The following RICTOR variants were observed in gnomAD, a reference collection of about 807,000 sequenced individuals.
RICTOR encodes rapamycin-insensitive companion of mTOR.
Under a neutral mutation model 214.9 loss-of-function variants are expected in RICTOR, and 49 were observed. The ratio of observed to expected loss-of-function variants is 0.23; its 90% CI spans 0.18 to 0.29. RICTOR has a LOEUF of 0.29. Ranked by LOEUF, RICTOR falls within the 10% of genes least tolerant of loss-of-function variation. The pLI, the probability that RICTOR is intolerant of heterozygous loss-of-function variation, is 1.00. For synonymous variants in RICTOR, 717 were observed against 711.3 expected, an observed-to-expected ratio of 1.01 and a Z score of -0.13; for missense variants, 1,625 against 2,047.0, an observed-to-expected ratio of 0.79 and a Z score of 3.98.
In RICTOR at chr5:38,945,715, G is replaced by C; in HGVS notation, c.4409C>G (p.Ser1470Cys). Residue 1470 changes from serine (S) to cysteine (C), a missense_variant, in exon 34 of 38, where the codon TCT (serine) becomes TGT (cysteine). Ser to Cys is a moderately radical substitution (Grantham distance 112). Coordinates refer to ENST00000357387, the MANE Select transcript of RICTOR (RefSeq NM_152756.5). ...ATTTTTTACAAGACCTCCAGTTCCA[G>C]ATGGAAGACCTGTGCATAAGTAAAT... ...AFAHDAGGLP[S>C]GTGGLVKNSF... 6.4e-7 allele frequency: 1 copy of C among 1,567,204 alleles called. No homozygotes were observed. The highest frequency in any genetic ancestry group is 8.8e-7 in the Non-Finnish European group (1 of 1,137,572).
At chr5:39,034,491 C>T (rs549133407) in intron 2 of RICTOR, among the ~76,000 whole-genome samples, 1 of 152,168 alleles carries the variant, frequency 6.6e-6, no homozygotes, top group Non-Finnish European at 1.5e-5. Context: ...TGCAGCGCAC[C>T]GTGCATGAGC....
chr5:39,067,338 C>A (rs35439640), intron 2 of RICTOR, among the ~76,000 whole-genome samples: 2,468 of 152,234 alleles, frequency 0.016, 41 homozygotes, highest in Non-Finnish European at 0.025. Context: ...CTTGCCAGAA[C>A]TCACTATTGC....
At chr5:38,952,591 T>TAGC (rs1748889245) in intron 29 of RICTOR, among the ~76,000 whole-genome samples, 166 bp from the exon 30 acceptor site, 1 of 151,452 alleles carries the variant, frequency 6.6e-6, no homozygotes, top group Non-Finnish European at 1.5e-5. Flanking sequence ...AGGAATAAAT[T>TAGC]AGCAGCAATA....
chr5:38,949,388 GC>G, intron 31 of RICTOR: 1 of 1,591,810 alleles, frequency 6.3e-7, no homozygotes, highest in Non-Finnish European at 8.5e-7. Context: ...TAGGTCTTAA[GC>G]TCCTGATTCC....
chr5:38,958,721 G>GT lies in RICTOR; in HGVS notation c.2288dup (p.Asn763LysfsTer7), dbSNP rs1749532299. On this transcript the variant is annotated frameshift_variant, in exon 23 of 38. Coordinates refer to ENST00000357387, the MANE Select transcript of RICTOR (RefSeq NM_152756.5). LOFTEE classifies it high-confidence loss of function. Reference sequence around the variant, plus strand: ...CAAGAGCTTCAGAGGAAATCGTTTTGTTTTTATCATGTAGCTGGGTCACTA... The same window carrying GT: ...CAAGAGCTTCAGAGGAAATCGTTTTGTTTTTTATCATGTAGCTGGGTCACTA... 1 of 1,611,756 alleles carries GT rather than the reference G, an allele frequency of 6.2e-7. No individual in the cohort carries two copies. The highest frequency in any genetic ancestry group is 1.3e-5 in the African/African-American group (1 of 74,748).
intron 2 of RICTOR, among the ~76,000 whole-genome samples, chr5:39,059,309 G>T (rs545643595): frequency 2.0e-5 from 3 of 152,140 alleles, no homozygotes; most frequent in African/African-American, 7.2e-5. Context: ...TTCAAAAACC[G>T]GCGGCTAAAC....
At chr5:39,024,508 T>C (rs767850898) in intron 2 of RICTOR, among the ~76,000 whole-genome samples, 17 of 152,348 alleles carry the variant, frequency 1.1e-4, no homozygotes, top group Non-Finnish European at 2.4e-4. Context: ...GATTTAACTA[T>C]ATTTGAGAAG....
intron 7 of RICTOR, among the ~76,000 whole-genome samples, chr5:38,986,504 T>C (rs1410972219): frequency 1.3e-5 from 2 of 152,314 alleles, no homozygotes; most frequent in East Asian, 3.9e-4. Flanking sequence ...AAGAAAAGTT[T>C]AAAATTTATA....
rs140723688 is a variant in RICTOR at position 39,068,804 on chromosome 5, T to C, written c.97+5307A>G. On this transcript the variant is annotated intron_variant, in intron 2 of 37. Coordinates refer to ENST00000357387, the MANE Select transcript of RICTOR (RefSeq NM_152756.5). Reference sequence around the variant, plus strand: ...ACAAAGAGGATAAGCAGCAGATCTCTAGCTTGAATAACAGAGGATGGCGGA... The same window carrying C: ...ACAAAGAGGATAAGCAGCAGATCTCCAGCTTGAATAACAGAGGATGGCGGA... Among the ~76,000 whole-genome samples the C allele has an allele frequency of 1.3e-3, 194 of 152,256 alleles. 1 individual carries two copies. The highest frequency in any genetic ancestry group is 4.5e-3 in the African/African-American group (188 of 41,566).
intron 27 of RICTOR, 53 bp from the exon 28 acceptor site, chr5:38,953,606 A>G: frequency 3.7e-6 from 2 of 547,754 alleles, no homozygotes; most frequent in South Asian, 9.0e-5. Flanking sequence ...TGTATTTAAT[A>G]TATTATTATT....
At chr5:39,008,340 G>T in intron 3 of RICTOR, among the ~76,000 whole-genome samples, 1 of 152,016 alleles carries the variant, frequency 6.6e-6, no homozygotes. Context: ...ACACACAGAA[G>T]TAACAATTAT....
chr5:38,987,933 T>TTA (rs1752299109), intron 7 of RICTOR, among the ~76,000 whole-genome samples: 1 of 152,166 alleles, frequency 6.6e-6, no homozygotes, highest in African/African-American at 2.4e-5. Context: ...TTCAAAGAAC[T>TTA]TATTAATTTC....
intron 2 of RICTOR, among the ~76,000 whole-genome samples, chr5:39,025,123 G>T (rs1314166672): frequency 1.3e-5 from 2 of 152,088 alleles, no homozygotes; most frequent in African/African-American, 4.8e-5. Context: ...AAACCAAAAT[G>T]AATCAGCCTT....
At chr5:39,031,624 C>G (rs1459167850) in intron 2 of RICTOR, among the ~76,000 whole-genome samples, 2 of 152,128 alleles carry the variant, frequency 1.3e-5, no homozygotes, top group Non-Finnish European at 2.9e-5. Flanking sequence ...TATCTACCTT[C>G]CTGAAAATTT....
chr5:38,942,611 C>T (rs1170162270), intron 37 of RICTOR, among the ~76,000 whole-genome samples: 2 of 148,588 alleles, frequency 1.3e-5, no homozygotes, highest in Admixed American at 6.7e-5. Context: ...ACACCAACCT[C>T]GGCTAATTAA....
intron 2 of RICTOR, among the ~76,000 whole-genome samples, chr5:39,033,404 C>G (rs1187446032): frequency 6.6e-6 from 1 of 152,092 alleles, no homozygotes; most frequent in African/African-American, 2.4e-5. Context: ...GCTGGGATTA[C>G]AGGTGTGTGC....
In RICTOR at chr5:39,041,065, C is replaced by T. The variant is rs1216700789; in HGVS notation, c.98-19929G>A. On this transcript the variant is annotated intron_variant, in intron 2 of 37. Coordinates refer to ENST00000357387, the MANE Select transcript of RICTOR (RefSeq NM_152756.5). ...TGTCTGTTTACAGATGCATCCTGGC[C>T]TCTGGCACAATGCCAGGCACATGGT... is the stretch of plus-strand genomic sequence containing the variant. Among the ~76,000 whole-genome samples the T allele has an allele frequency of 2.0e-5, 3 of 152,210 alleles. No homozygotes were observed. The East Asian group carries it at 5.8e-4, about 29-fold the overall frequency.
rs1755400108 is a variant in RICTOR, at chr5:39,021,244, G to A, written c.98-108C>T. On this transcript the variant is annotated intron_variant, in intron 2 of 37. Coordinates refer to ENST00000357387, the MANE Select transcript of RICTOR (RefSeq NM_152756.5). ...TCACAACTTTGGCTCTTGGTTTAAA[G>A]TCTTACCCTCCACCCCAAATCTGTT... The A allele has an allele frequency of 1.4e-5, 10 of 713,988 alleles. No homozygotes were observed. The South Asian group carries it at 1.6e-4, about 11-fold the overall frequency. 44.2% of individuals were successfully genotyped at this position (713,988 alleles called of 1,614,324 possible). A position where few individuals can be genotyped will look rare whatever the true frequency, so the allele number is the denominator to read the frequency against.
At chr5:39,069,500 G>A (rs1008770726) in intron 2 of RICTOR, among the ~76,000 whole-genome samples, 19 of 152,120 alleles carry the variant, frequency 1.2e-4, no homozygotes, top group African/African-American at 3.1e-4. Context: ...GAATAGCAAC[G>A]CTTTATTCTT....
Sources: gnomAD v4.1 joint callset for allele counts (sites outside exome capture counted in the v4.1 genomes callset) on GRCh38, gnomAD v4.1.1 for gene constraint, MANE v1.5 for transcripts, NCBI Gene and HGNC (gene_info 2026-07-23, HGNC 2026-07-21) for gene names.